Variants in ANKS1B observed in about 807,000 individuals in gnomAD.
ANKS1B encodes the protein ankyrin repeat and sterile alpha motif domain containing 1B, also known as ankyrin repeat and sterile alpha motif domain-containing protein 1B.
ANKS1B carries 36 observed loss-of-function variants against 148.3 expected under a neutral mutation model. That is an observed-to-expected ratio of 0.24 (90% CI 0.19 to 0.32). The LOEUF (loss-of-function observed/expected upper bound fraction) is 0.32. Ranked by LOEUF, ANKS1B falls within the 10% of genes least tolerant of loss-of-function variation. The probability of loss-of-function intolerance (pLI) is 1.00; values close to 1 mark genes in which losing one functional copy is unlikely to be tolerated. For synonymous variants in ANKS1B, 542 were observed against 560.8 expected, an observed-to-expected ratio of 0.97 and a Z score of 0.47; for missense variants, 1,157 against 1,542.6, an observed-to-expected ratio of 0.75 and a Z score of 4.19.
intron 15 of ANKS1B, among the ~76,000 whole-genome samples, chr12:99,105,669 T>C: frequency 6.8e-6 from 1 of 147,588 alleles, no homozygotes; most frequent in Non-Finnish European, 1.5e-5. Flanking sequence ...CTCGGTAGGC[T>C]GAGGCAGGAG....
chr12:99,882,955 C>A (rs2092614630), intron 1 of ANKS1B, among the ~76,000 whole-genome samples: 1 of 152,162 alleles, frequency 6.6e-6, no homozygotes, highest in African/African-American at 2.4e-5. Context: ...GACATTCTTA[C>A]ATGAAGAAAC....
intron 10 of ANKS1B, among the ~76,000 whole-genome samples, chr12:99,486,873 G>C (rs575383310): frequency 6.6e-6 from 1 of 152,254 alleles, no homozygotes; most frequent in East Asian, 1.9e-4. Flanking sequence ...TGACCCTGTA[G>C]GGTGCTCCTC....
At chr12:99,318,260 C>T (rs1314154827) in intron 12 of ANKS1B, among the ~76,000 whole-genome samples, 1 of 152,144 alleles carries the variant, frequency 6.6e-6, no homozygotes, top group Non-Finnish European at 1.5e-5. Flanking sequence ...CTCTTTGTAT[C>T]TCTGGTAGAA....
intron 1 of ANKS1B, among the ~76,000 whole-genome samples, chr12:99,983,556 A>T (rs1456573636): frequency 1.3e-5 from 2 of 152,196 alleles, no homozygotes; most frequent in African/African-American, 4.8e-5. Flanking sequence ...CTGCCCCATC[A>T]AGTTTTATAC....
intron 16 of ANKS1B, among the ~76,000 whole-genome samples, chr12:99,083,053 T>C (rs1366432289): frequency 6.6e-6 from 1 of 152,214 alleles, no homozygotes; most frequent in Non-Finnish European, 1.5e-5. Context: ...AAGGATGTTT[T>C]ATTCTTTTCC....
intron 3 of ANKS1B, among the ~76,000 whole-genome samples, chr12:99,810,362 G>A (rs1456039604): frequency 6.6e-6 from 1 of 151,750 alleles, no homozygotes; most frequent in Non-Finnish European, 1.5e-5. Flanking sequence ...ATACATAAAA[G>A]TTTATAATTA....
At chr12:98,738,111 G>T (rs1313825686) in intron 9 of ANKS1B, among the ~76,000 whole-genome samples, 2 of 152,188 alleles carry the variant, frequency 1.3e-5, no homozygotes, top group Non-Finnish European at 2.9e-5. Flanking sequence ...GAAGAAGGGG[G>T]TCACATTTGA....
chr12:99,201,578 A>G (rs1302408701), intron 14 of ANKS1B, among the ~76,000 whole-genome samples: 2 of 152,226 alleles, frequency 1.3e-5, no homozygotes, highest in Non-Finnish European at 2.9e-5. Context: ...GTGTAATGCC[A>G]ACACGCTCCT....
At chr12:99,073,308 T>C (rs1159802730) in intron 16 of ANKS1B, among the ~76,000 whole-genome samples, 1 of 152,226 alleles carries the variant, frequency 6.6e-6, no homozygotes, top group Non-Finnish European at 1.5e-5. Flanking sequence ...CATTCCATTA[T>C]GCTGCTTCCT....
At chr12:99,552,102 C>G (rs2097224926) in intron 9 of ANKS1B, among the ~76,000 whole-genome samples, 1 of 151,734 alleles carries the variant, frequency 6.6e-6, no homozygotes, top group South Asian at 2.1e-4. Flanking sequence ...GACTCAGTTT[C>G]TACATCAGTT....
chr12:99,064,553 G>T (rs1439503875), intron 16 of ANKS1B, among the ~76,000 whole-genome samples: 3 of 152,188 alleles, frequency 2.0e-5, no homozygotes, highest in Admixed American at 1.3e-4. Flanking sequence ...GTTCTATAAA[G>T]CATCCTTGGG....
At chr12:99,837,391 G>C (rs1010273521) in intron 1 of ANKS1B, among the ~76,000 whole-genome samples, 14 of 152,076 alleles carry the variant, frequency 9.2e-5, no homozygotes, top group African/African-American at 3.1e-4. Flanking sequence ...ACTAATACAG[G>C]TGTGCTTATT....
At chr12:99,944,115 C>A (rs1351655388) in intron 1 of ANKS1B, among the ~76,000 whole-genome samples, 1 of 152,096 alleles carries the variant, frequency 6.6e-6, no homozygotes, top group Non-Finnish European at 1.5e-5. Context: ...GAGATCTTAG[C>A]AGCCTGGGAG....
intron 17 of ANKS1B, among the ~76,000 whole-genome samples, chr12:98,957,685 C>G (rs547696659): frequency 2.1e-4 from 32 of 152,110 alleles, no homozygotes; most frequent in Admixed American, 7.2e-4. Flanking sequence ...GGGTGGTGAG[C>G]TGATTGGTAG....
At chr12:98,773,327 G>C (rs1228926680) in intron 24 of ANKS1B, 148 bp from the exon 25 acceptor site, 6 of 827,200 alleles carry the variant, frequency 7.3e-6, no homozygotes, top group Non-Finnish European at 1.1e-5. Flanking sequence ...TATATTATTT[G>C]TGGGTAAATG....
At chr12:99,532,037 G>A (rs949040362) in intron 9 of ANKS1B, among the ~76,000 whole-genome samples, 5 of 139,362 alleles carry the variant, frequency 3.6e-5, no homozygotes, top group African/African-American at 8.6e-5. Context: ...ACTTTGTAAC[G>A]GGATTGTTTT....
At position 99,984,602 on chromosome 12, in the gene ANKS1B, CGGA is replaced by C. The variant is rs997840567; in HGVS notation, c.-368_-366del. 130 of 177,182 alleles carry C rather than the reference CGGA, an allele frequency of 7.3e-4. No individual in the cohort carries two copies. Among genetic ancestry groups the C allele is most frequent in the East Asian group, 1.2e-3 (8 of 6,704 alleles). The allele number at this position is 177,182 out of a possible 1,614,324, so 11.0% of individuals were successfully genotyped here. On this transcript the variant is annotated 5_prime_UTR_variant, in exon 1 of 27. Coordinates refer to ENST00000683438, the MANE Select transcript of ANKS1B (RefSeq NM_001352186.2). ...GGAGGAGGGTGGTGAGGACTGAGGTCGGAGGAGGAGGAGGAGGCGGCAGAGAGA... is the reference window on the plus strand; with the variant it reads ...GGAGGAGGGTGGTGAGGACTGAGGTCGGAGGAGGAGGAGGCGGCAGAGAGA...
intron 9 of ANKS1B, among the ~76,000 whole-genome samples, chr12:99,646,817 C>T (rs1353088365): frequency 6.6e-6 from 1 of 151,252 alleles, no homozygotes; most frequent in Non-Finnish European, 1.5e-5. Context: ...AAATTCTTTA[C>T]AGCTTTTTTT....
rs59294440 is a variant in ANKS1B, at chr12:98,850,459, ATTTTTTT to A, written c.2779-18330_2779-18324del. ...TTGATGGAGACCAGAGAAGCATTGC[ATTTTTTT>A]TTTTTTTTTTTTTTTTTTTGAGACG... On this transcript the variant is annotated intron_variant, in intron 17 of 26. Transcript: ENST00000683438. 2.7e-4 allele frequency among the ~76,000 whole-genome samples: 19 copies of A among 70,512 alleles called. No individual in the cohort carries two copies. In the East Asian group the frequency reaches 5.7e-3, roughly 21 times the overall value. 46.3% of individuals were successfully genotyped at this position (70,512 alleles called of 152,430 possible).
Sources: allele counts gnomAD v4.1 joint callset (sites outside exome capture counted in the v4.1 genomes callset), GRCh38; gene constraint gnomAD v4.1.1; transcripts MANE v1.5; gene names NCBI Gene and HGNC (gene_info 2026-07-23, HGNC 2026-07-21).